Variants in LDAH observed in about 807,000 individuals in gnomAD.
The protein encoded by LDAH is lipid droplet associated hydrolase, also known as lipid droplet-associated hydrolase.
Under a neutral mutation model 29.6 loss-of-function variants are expected in LDAH, and 26 were observed. That is an observed-to-expected ratio of 0.88 (90% CI 0.64 to 1.22). The LOEUF is 1.22. Among genes scored for constraint, LDAH ranks in the 50% most tolerant of loss-of-function variants. The pLI is 0.00. For synonymous variants in LDAH, 117 were observed against 133.0 expected (o/e 0.88, Z 0.83); for missense variants, 344 against 387.3 (o/e 0.89, Z 0.94).
intron 3 of LDAH, among the ~76,000 whole-genome samples, chr2:20,782,112 C>T (rs1038897223): frequency 3.9e-5 from 6 of 152,016 alleles, no homozygotes; most frequent in South Asian, 2.1e-4. Context: ...AATGTGGTCC[C>T]GAAAATGTGG....
chr2:20,792,237 A>T (rs1671012619), intron 2 of LDAH, among the ~76,000 whole-genome samples: 2 of 152,130 alleles, frequency 1.3e-5, no homozygotes, highest in South Asian at 4.1e-4. Context: ...CGTTGCTCAT[A>T]GATTTCTTCA....
At chr2:20,728,562 T>C (rs1473393591) in intron 5 of LDAH, among the ~76,000 whole-genome samples, 3 of 152,084 alleles carry the variant, frequency 2.0e-5, no homozygotes, top group African/African-American at 7.2e-5. Flanking sequence ...TTTCTCTTTG[T>C]GGGAAGCAAG....
intron 1 of LDAH, among the ~76,000 whole-genome samples, chr2:20,817,369 A>C (rs940994521): frequency 5.3e-5 from 8 of 152,104 alleles, no homozygotes; most frequent in Non-Finnish European, 1.0e-4. Flanking sequence ...AACCATGTAG[A>C]ATACTATTAC....
At chr2:20,697,913 A>G (rs1443519042) in intron 6 of LDAH, among the ~76,000 whole-genome samples, 1 of 152,230 alleles carries the variant, frequency 6.6e-6, no homozygotes, top group Non-Finnish European at 1.5e-5. Context: ...GTATTTTTAA[A>G]TCACACTAAC....
chr2:20,741,355 G>T (rs557218130), intron 4 of LDAH, among the ~76,000 whole-genome samples: 59 of 152,150 alleles, frequency 3.9e-4, no homozygotes, highest in African/African-American at 1.4e-3. Flanking sequence ...AGGTCATCTA[G>T]GTTTTCTCCT....
At chr2:20,708,102 T>C (rs1318448735) in intron 5 of LDAH, among the ~76,000 whole-genome samples, 1 of 152,220 alleles carries the variant, frequency 6.6e-6, no homozygotes, top group Non-Finnish European at 1.5e-5. Flanking sequence ...GTGAGTTGTA[T>C]AATTATTTCA....
chr2:20,790,128 T>C, intron 3 of LDAH, 127 bp downstream of exon 3: 1 of 922,502 alleles, frequency 1.1e-6, no homozygotes, highest in East Asian at 2.5e-5. Context: ...TTTACCAAAA[T>C]ATGGCACCAT....
chr2:20,689,835 C>T (rs1002108163), intron 6 of LDAH, among the ~76,000 whole-genome samples: 79 of 152,280 alleles, frequency 5.2e-4, no homozygotes, highest in African/African-American at 1.8e-3. Context: ...CATGCTCTCG[C>T]CTCAAGATCA....
chr2:20,795,945 CCACACACACACA>C (rs57619975), intron 2 of LDAH, among the ~76,000 whole-genome samples: 16 of 141,994 alleles, frequency 1.1e-4, no homozygotes, highest in African/African-American at 3.7e-4. Context: ...CCGAAACCTG[CCACACACACACA>C]CACACACACA....
rs535832185 is a variant in LDAH at position 20,709,125 on chromosome 2, G to A, written c.704-7473C>T. 1.5e-3 allele frequency among the ~76,000 whole-genome samples: 228 copies of A among 152,166 alleles called. 1 individual carries two copies. The highest frequency in any genetic ancestry group is 5.4e-3 in the African/African-American group (224 of 41,510). Reference sequence around the variant, plus strand: ...TGAGTGCCAACATGATGCTACAAGTGGAAAATTTCACACATGACTATATGT... The same window carrying A: ...TGAGTGCCAACATGATGCTACAAGTAGAAAATTTCACACATGACTATATGT... On this transcript the variant is annotated intron_variant, in intron 5 of 6. Coordinates refer to ENST00000237822, the MANE Select transcript of LDAH (RefSeq NM_021925.4).
chr2:20,766,776 C>A (rs550014362), intron 4 of LDAH, among the ~76,000 whole-genome samples: 1 of 152,216 alleles, frequency 6.6e-6, no homozygotes, highest in African/African-American at 2.4e-5. Flanking sequence ...GAGGCATAGA[C>A]GGTGGCAGCA....
chr2:20,793,828 C>G (rs972456276), intron 2 of LDAH, among the ~76,000 whole-genome samples: 2 of 151,942 alleles, frequency 1.3e-5, no homozygotes, highest in Non-Finnish European at 2.9e-5. Context: ...AACAGATAAC[C>G]TAAATAGCCC....
chr2:20,772,793 A>C lies in LDAH; in HGVS notation c.468+2017T>G, dbSNP rs568365777. 1.4e-4 allele frequency among the ~76,000 whole-genome samples: 22 copies of C among 152,290 alleles called. No individual in the cohort carries two copies. In the South Asian group the frequency reaches 1.9e-3, roughly 13 times the overall value. The stretch of plus-strand genomic sequence containing the variant: ...CGTTAAAGAAGGTGGCCTCCCCCCA[A>C]ATGCCACTGCTGAATGAAGGCTCTC... On this transcript the variant is annotated intron_variant, in intron 4 of 6. Transcript: ENST00000237822.
intron 1 of LDAH, among the ~76,000 whole-genome samples, chr2:20,810,406 T>C (rs1029596619): frequency 1.3e-5 from 2 of 152,196 alleles, no homozygotes; most frequent in African/African-American, 4.8e-5. Flanking sequence ...AAAAGTCACA[T>C]AGCATCACTT....
At chr2:20,725,038 T>C (rs910452540) in intron 5 of LDAH, among the ~76,000 whole-genome samples, 1 of 152,232 alleles carries the variant, frequency 6.6e-6, no homozygotes, top group Non-Finnish European at 1.5e-5. Context: ...ATGTGAGTTT[T>C]ACTCTTGGTC....
Position 20,789,009 on chromosome 2 carries a change from A to G in LDAH, c.298+1246T>C, listed in dbSNP as rs1670750712. On this transcript the variant is annotated intron_variant, in intron 3 of 6. Transcript: ENST00000237822. ...GTCCTGGCTCTCTCTCCAGCTCTCA[A>G]AGTCCCTCTCAAACTGGCCCTGCTT... 3.1e-6 allele frequency: 3 copies of G among 965,940 alleles called. No homozygotes were observed. The South Asian group carries it at 4.9e-5, about 16-fold the overall frequency. The allele number at this position is 965,940 out of a possible 1,614,324, so 59.8% of individuals were successfully genotyped here. A position where few individuals can be genotyped will look rare whatever the true frequency, so the allele number is the denominator to read the frequency against.
chr2:20,796,006 C>T (rs1671284865), intron 2 of LDAH, among the ~76,000 whole-genome samples: 2 of 150,924 alleles, frequency 1.3e-5, no homozygotes, highest in South Asian at 4.2e-4. Flanking sequence ...CTAAATCCCA[C>T]AAACTAATGA....
At chr2:20,812,400 A>G (rs188801653) in intron 1 of LDAH, among the ~76,000 whole-genome samples, 1 of 152,186 alleles carries the variant, frequency 6.6e-6, no homozygotes, top group Admixed American at 6.5e-5. Context: ...AGAATCCTTT[A>G]TATCTACTTC....
intron 3 of LDAH, among the ~76,000 whole-genome samples, chr2:20,788,252 C>G (rs1180864272): frequency 1.2e-4 from 19 of 152,118 alleles, no homozygotes; most frequent in Admixed American, 1.2e-3. Context: ...TTAGATAAAA[C>G]TAGATAAATT....
Sources: allele counts gnomAD v4.1 joint callset (sites outside exome capture counted in the v4.1 genomes callset), GRCh38; gene constraint gnomAD v4.1.1; transcripts MANE v1.5; gene names NCBI Gene and HGNC (gene_info 2026-07-23, HGNC 2026-07-21).